NRXN3: variants seen among roughly 807,000 people sequenced by gnomAD.
NRXN3 encodes neurexin III.
Under a neutral mutation model 137.6 loss-of-function variants are expected in NRXN3, and 32 were observed. The ratio of observed to expected loss-of-function variants is 0.23; its 90% CI spans 0.18 to 0.31. The LOEUF (loss-of-function observed/expected upper bound fraction) is 0.31, where lower values mean the gene tolerates loss of function less well. NRXN3 is among the 10% of genes least tolerant of loss of function. The probability of loss-of-function intolerance (pLI) is 1.00; values close to 1 mark genes in which losing one functional copy is unlikely to be tolerated. For synonymous variants in NRXN3, 798 were observed against 784.5 expected, an observed-to-expected ratio of 1.02 and a Z score of -0.29; for missense variants, 1,574 against 2,062.5, an observed-to-expected ratio of 0.76 and a Z score of 4.59.
chr14:79,186,454 A>G (rs958327808), intron 15 of NRXN3, among the ~76,000 whole-genome samples: 1 of 152,160 alleles, frequency 6.6e-6, no homozygotes, highest in African/African-American at 2.4e-5. Context: ...ATTTGGAAAC[A>G]ATGGGCAGTC....
chr14:78,233,513 G>A (rs60670448), intron 1 of NRXN3, among the ~76,000 whole-genome samples: 40,655 of 151,882 alleles, frequency 0.27, 5,616 homozygotes, highest in East Asian at 0.33. Context: ...CCCTAAAGAT[G>A]TCCAGTCTCT....
chr14:78,218,528 A>G (rs1316108706), intron 1 of NRXN3, among the ~76,000 whole-genome samples: 1 of 152,220 alleles, frequency 6.6e-6, no homozygotes, highest in Non-Finnish European at 1.5e-5. Context: ...GTTAGAAAGC[A>G]TCTCCATTTT....
chr14:79,709,195 CTATAGAG>C (rs549242549), intron 19 of NRXN3, among the ~76,000 whole-genome samples: 76 of 152,270 alleles, frequency 5.0e-4, no homozygotes, highest in African/African-American at 1.8e-3. Flanking sequence ...GTGTACCTCA[CTATAGAG>C]TATAGAGCAA....
At chr14:79,079,810 A>G (rs1260140272) in intron 15 of NRXN3, among the ~76,000 whole-genome samples, 1 of 152,048 alleles carries the variant, frequency 6.6e-6, no homozygotes, top group East Asian at 1.9e-4. Flanking sequence ...TAACATGGAG[A>G]AACCCTGTCT....
intron 11 of NRXN3, among the ~76,000 whole-genome samples, chr14:78,960,635 C>T (rs928893534): frequency 1.3e-5 from 2 of 152,146 alleles, no homozygotes; most frequent in South Asian, 2.1e-4. Context: ...GAATACATTA[C>T]TATACCAAGC....
In NRXN3 at chr14:78,714,980, A is replaced by G. The variant is rs2098424835; in HGVS notation, c.1885A>G (p.Met629Val). Residue 629 changes from methionine (M) to valine (V), a missense_variant, in exon 8 of 21, where the codon ATG (methionine) becomes GTG (valine). By Grantham distance (21) the Met-to-Val change is conservative (BLOSUM62 1). This residue lies in a region of NRXN3 where 718 missense variants were observed against 887.6 expected (regional missense o/e 0.81). Coordinates refer to ENST00000335750, the MANE Select transcript of NRXN3 (RefSeq NM_001330195.2). ...RSKNIRQLAEMQNAAGVKSSC... is the reference protein window; with the variant it reads ...RSKNIRQLAEVQNAAGVKSSC... The stretch of plus-strand genomic sequence containing the variant: ...CAAGAACATTCGACAGCTGGCAGAG[A>G]TGCAGAATGCTGCGGGTGTCAAGTC... 6.2e-7 allele frequency: 1 copy of G among 1,614,176 alleles called. No homozygotes were observed. The highest frequency in any genetic ancestry group is 1.3e-5 in the African/African-American group (1 of 75,056).
intron 15 of NRXN3, among the ~76,000 whole-genome samples, chr14:79,348,379 T>TC (rs1555391677): frequency 2.6e-5 from 1 of 38,006 alleles, no homozygotes; most frequent in African/African-American, 1.1e-4. Context: ...ATCTTCTCTC[T>TC]TTTTTTTTTT....
At chr14:79,384,990 C>T (rs2094566259) in intron 15 of NRXN3, among the ~76,000 whole-genome samples, 2 of 152,076 alleles carry the variant, frequency 1.3e-5, no homozygotes, top group South Asian at 2.1e-4. Context: ...AATTGCTCTA[C>T]CTCTGTTTCT....
intron 16 of NRXN3, among the ~76,000 whole-genome samples, chr14:79,607,280 A>T (rs1472984570): frequency 6.6e-6 from 1 of 152,254 alleles, no homozygotes; most frequent in Non-Finnish European, 1.5e-5. Flanking sequence ...TAAAGAAATG[A>T]TCTTTTCCAA....
At chr14:79,105,678 G>A (rs2052293268) in intron 15 of NRXN3, among the ~76,000 whole-genome samples, 1 of 152,096 alleles carries the variant, frequency 6.6e-6, no homozygotes, top group East Asian at 1.9e-4. Context: ...TTGAGGGAAA[G>A]TCTGCTAAAC....
At chr14:78,423,841 GTAT>G (rs1375472132) in intron 4 of NRXN3, among the ~76,000 whole-genome samples, 2 of 152,182 alleles carry the variant, frequency 1.3e-5, no homozygotes, top group African/African-American at 4.8e-5. Flanking sequence ...AGGGTTTATA[GTAT>G]TATTATGAAA....
At chr14:79,165,693 C>G (rs1333201918) in intron 15 of NRXN3, among the ~76,000 whole-genome samples, 2 of 151,972 alleles carry the variant, frequency 1.3e-5, no homozygotes, top group African/African-American at 4.8e-5. Flanking sequence ...CTGCACATGA[C>G]TGATGTGTGT....
intron 15 of NRXN3, among the ~76,000 whole-genome samples, chr14:79,186,613 TG>T (rs2063571727): frequency 6.6e-6 from 1 of 152,172 alleles, no homozygotes; most frequent in East Asian, 1.9e-4. Flanking sequence ...CCTTAATTTT[TG>T]GTGAGGAGTA....
At position 79,172,504 on chromosome 14, in the gene NRXN3, C is replaced by T. The variant is rs138272712; in HGVS notation, c.3262+184363C>T. 3.0e-3 allele frequency among the ~76,000 whole-genome samples: 463 copies of T among 152,186 alleles called. 1 individual carries two copies. Among genetic ancestry groups the T allele is most frequent in the African/African-American group, 0.011 (448 of 41,534 alleles). On this transcript the variant is annotated intron_variant, in intron 15 of 20. Transcript: ENST00000335750. ...AAGGAAAGGTCTTTGTTTTCCTTAC[C>T]TGGCACAGCTAAATATTGGCAAATC... is the stretch of plus-strand genomic sequence containing the variant.
rs748626062 is a variant in NRXN3, at chr14:79,631,390, G to A, written c.3445-32388G>A. Among the ~76,000 whole-genome samples, 10 of 152,370 alleles carry A rather than the reference G, an allele frequency of 6.6e-5. No homozygotes were observed. In the East Asian group the frequency reaches 1.5e-3, roughly 24 times the overall value. ...GAAGAGCCCTTCAGTCCGCCGCGGC[G>A]CTGTGGGGGCCCCTCTCTGGGGCTG... On this transcript the variant is annotated intron_variant, in intron 16 of 20. Coordinates refer to ENST00000335750, the MANE Select transcript of NRXN3 (RefSeq NM_001330195.2).
intron 4 of NRXN3, among the ~76,000 whole-genome samples, chr14:78,641,965 GC>G (rs2097639210): frequency 6.6e-6 from 1 of 152,068 alleles, no homozygotes; most frequent in African/African-American, 2.4e-5. Context: ...AAGTGTTTTT[GC>G]TTTAAATACA....
At chr14:78,506,065 G>C (rs372485471) in intron 4 of NRXN3, among the ~76,000 whole-genome samples, 2 of 152,196 alleles carry the variant, frequency 1.3e-5, no homozygotes, top group East Asian at 3.9e-4. Context: ...GCACAATGTT[G>C]TATAGCAGAT....
intron 16 of NRXN3, among the ~76,000 whole-genome samples, chr14:79,604,835 C>T (rs969396024): frequency 1.3e-5 from 2 of 151,794 alleles, no homozygotes; most frequent in Non-Finnish European, 2.9e-5. Flanking sequence ...AGTTTGAGAC[C>T]AGCCTGGCCA....
intron 15 of NRXN3, among the ~76,000 whole-genome samples, chr14:79,293,498 G>A (rs2083520340): frequency 2.0e-5 from 3 of 152,338 alleles, no homozygotes; most frequent in South Asian, 2.1e-4. Context: ...GAGGCAAGGC[G>A]AGGGCAACGT....
Sources: allele counts gnomAD v4.1 joint callset (sites outside exome capture counted in the v4.1 genomes callset), GRCh38; gene constraint gnomAD v4.1.1; regional missense constraint gnomAD v4.1.1; transcripts MANE v1.5; gene names NCBI Gene and HGNC (gene_info 2026-07-23, HGNC 2026-07-21).